Variants in SLC30A10 observed in about 807,000 individuals in gnomAD.
SLC30A10 encodes solute carrier family 30 member 10.
SLC30A10 carries 8 observed loss-of-function variants against 21.7 expected under a neutral mutation model. The ratio of observed to expected loss-of-function variants is 0.37; its 90% CI spans 0.22 to 0.67. The LOEUF is 0.67. Among genes scored for constraint, SLC30A10 ranks in the 30% least tolerant of loss-of-function variants. The pLI, the probability that SLC30A10 is intolerant of heterozygous loss-of-function variation, is 0.58. For synonymous variants in SLC30A10, 272 were observed against 279.4 expected (o/e 0.97, Z 0.26); for missense variants, 521 against 642.5 (o/e 0.81, Z 2.04).
intron 2 of SLC30A10, among the ~76,000 whole-genome samples, chr1:219,923,695 C>G (rs1659750076): frequency 6.6e-6 from 1 of 152,218 alleles, no homozygotes. Context: ...CTACAAAGCA[C>G]ATTGATGAGC....
chr1:219,927,679 A>T (rs1464730038), intron 1 of SLC30A10, 122 bp downstream of exon 1: 3 of 326,614 alleles, frequency 9.2e-6, no homozygotes, highest in Non-Finnish European at 8.2e-6. Context: ...CAACAACAAC[A>T]AAAAAAAAAA....
chr1:219,940,792 T>A (rs1398405623), intron 1 of SLC30A10, among the ~76,000 whole-genome samples: 1 of 152,128 alleles, frequency 6.6e-6, no homozygotes. Context: ...AGGACAATAA[T>A]AGTTTGAGTC....
intron 3 of SLC30A10, among the ~76,000 whole-genome samples, chr1:219,917,674 T>G (rs1659575032): frequency 6.8e-6 from 1 of 146,290 alleles, no homozygotes; most frequent in Non-Finnish European, 1.5e-5. Flanking sequence ...ATAGGTATTA[T>G]CCAAGCATTG....
upstream of SLC30A10, among the ~76,000 whole-genome samples, chr1:219,929,511 T>C (rs1047426912): frequency 9.5e-5 from 14 of 147,832 alleles, no homozygotes; most frequent in Admixed American, 3.4e-4. Flanking sequence ...GAAGGTTTAT[T>C]CCAAATAAAG....
rs7528358 is a variant in SLC30A10 at position 219,927,685 on chromosome 1, A to C, written c.640+116T>G. The C allele has an allele frequency of 3.7e-4, 328 of 890,194 alleles. 3 individuals are homozygous for C. Among genetic ancestry groups the C allele is most frequent in the African/African-American group, 1.8e-3 (88 of 48,798 alleles). The allele number at this position is 890,194 out of a possible 1,614,324, so 55.1% of individuals were successfully genotyped here. A position where few individuals can be genotyped will look rare whatever the true frequency, so the allele number is the denominator to read the frequency against. ...AAAAAAAAACAACAACAACAAAAAA[A>C]AAAAAACAGAAAAAAAGCATGCAGA... On this transcript the variant is annotated intron_variant, in intron 1 of 3. Transcript: ENST00000366926.
At chr1:219,931,842 C>T (rs1031840506), upstream of SLC30A10, among the ~76,000 whole-genome samples, 3 of 152,124 alleles carry the variant, frequency 2.0e-5, no homozygotes, top group Admixed American at 1.3e-4. Context: ...TGATCTCTTA[C>T]TCTGCCCAAC....
chr1:219,922,654 G>T (rs554910583), intron 2 of SLC30A10, among the ~76,000 whole-genome samples: 1 of 152,126 alleles, frequency 6.6e-6, no homozygotes, highest in African/African-American at 2.4e-5. Context: ...TGTGAAATGG[G>T]GTAGTAATAA....
Position 219,921,669 on chromosome 1 carries a change from T to C in SLC30A10, c.719-3175A>G, listed in dbSNP as rs181489576. Among the ~76,000 whole-genome samples the C allele has an allele frequency of 1.7e-4, 20 of 119,278 alleles. No individual in the cohort carries two copies. In the Admixed American group the frequency reaches 1.8e-3, roughly 11 times the overall value. 78.3% of individuals were successfully genotyped at this position (119,278 alleles called of 152,430 possible). A position where few individuals can be genotyped will look rare whatever the true frequency, so the allele number is the denominator to read the frequency against. ...ATATTATCTATTCTATTTCATTCAA[T>C]TATAATTAATTTTCTACTAAACTAA... On this transcript the variant is annotated intron_variant, in intron 2 of 3. Transcript: ENST00000366926.
intron 1 of SLC30A10, among the ~76,000 whole-genome samples, chr1:219,944,340 C>T (rs1660159150): frequency 6.6e-6 from 1 of 151,842 alleles, no homozygotes; most frequent in Non-Finnish European, 1.5e-5. Context: ...GCCAGCTACT[C>T]AGGAGGCTGA....
At chr1:219,941,848 C>G (rs1660127099) in intron 1 of SLC30A10, among the ~76,000 whole-genome samples, 1 of 152,186 alleles carries the variant, frequency 6.6e-6, no homozygotes, top group Admixed American at 6.5e-5. Flanking sequence ...CAATGTCACT[C>G]GCTGGGAAAG....
chr1:219,930,888 T>G (rs1336643718), upstream of SLC30A10, among the ~76,000 whole-genome samples: 1 of 152,192 alleles, frequency 6.6e-6, no homozygotes, highest in Non-Finnish European at 1.5e-5. Flanking sequence ...ACTCAATAAA[T>G]GTTCTATTAT....
At chr1:219,927,678 C>CAACA (rs1264050175) in intron 1 of SLC30A10, 123 bp downstream of exon 1, 168 of 318,874 alleles carry the variant, frequency 5.3e-4, no homozygotes, top group East Asian at 6.1e-4. Context: ...ACAACAACAA[C>CAACA]AAAAAAAAAA....
At chr1:219,947,012 C>T (rs1660194094) in intron 1 of SLC30A10, among the ~76,000 whole-genome samples, 2 of 152,074 alleles carry the variant, frequency 1.3e-5, no homozygotes, top group Admixed American at 1.3e-4. Flanking sequence ...TCCTTCATGA[C>T]CTTAAGAGAG....
upstream of SLC30A10, among the ~76,000 whole-genome samples, chr1:219,929,525 C>CTTTT (rs11382012): frequency 2.0e-5 from 3 of 147,878 alleles, no homozygotes; most frequent in African/African-American, 7.4e-5. Flanking sequence ...AATAAAGACT[C>CTTTT]TTTTTTTTTT....
chr1:219,915,657 G>C lies in SLC30A10; in HGVS notation c.1250C>G (p.Pro417Arg), dbSNP rs377640108. Residue 417 changes from proline (P) to arginine (R), a missense_variant, in exon 4 of 4, where the codon CCC (proline) becomes CGC (arginine). Pro to Arg is a moderately radical substitution (Grantham distance 103). Coordinates refer to ENST00000366926, the MANE Select transcript of SLC30A10 (RefSeq NM_018713.3). ...GACGTGAGCCAGAGGCAGTGCCCCGGGGGGACAACACAGCTGCTTAGCACA... is the reference window on the plus strand; with the variant it reads ...GACGTGAGCCAGAGGCAGTGCCCCGCGGGGACAACACAGCTGCTTAGCACA... The part of the protein sequence containing the change: ...KGCAKQLCCP[P>R]GALPLAHVNG... 6.2e-7 allele frequency: 1 copy of C among 1,614,242 alleles called. No individual in the cohort carries two copies. The highest frequency in any genetic ancestry group is 1.7e-5 in the Admixed American group (1 of 60,024).
chr1:219,955,212 C>T lies in SLC30A10; in HGVS notation n.80+3356G>A, dbSNP rs140705894. On this transcript the variant is annotated intron_variant and non_coding_transcript_variant, in intron 1 of 8. Coordinates refer to the SLC30A10 transcript ENST00000484239. The stretch of plus-strand genomic sequence containing the variant: ...TTCCCCTACTCCCTTCCCCGAAACA[C>T]ATGCACACACAAAGCCATCGACCAT... 4.2e-3 allele frequency among the ~76,000 whole-genome samples: 645 copies of T among 152,312 alleles called. 4 individuals are homozygous for T. The highest frequency in any genetic ancestry group is 0.01 in the African/African-American group (432 of 41,566).
chr1:219,951,785 G>A lies in SLC30A10; in HGVS notation n.80+6783C>T, dbSNP rs115032714. 2.3e-3 allele frequency among the ~76,000 whole-genome samples: 356 copies of A among 152,122 alleles called. 2 individuals carry two copies. The highest frequency in any genetic ancestry group is 3.8e-3 in the Non-Finnish European group (261 of 67,980). On this transcript the variant is annotated intron_variant and non_coding_transcript_variant, in intron 1 of 8. Transcript: ENST00000484239. ...GACTTGGTCTGTCACCCAGGTTGGA[G>A]TGTAATGGCATGCTATCATAGCTCT...
chr1:219,949,301 T>G (rs200926698), intron 1 of SLC30A10, among the ~76,000 whole-genome samples: 1 of 151,436 alleles, frequency 6.6e-6, no homozygotes, highest in African/African-American at 2.4e-5. Flanking sequence ...TAAAGACACA[T>G]GCACACGTAT....
At chr1:219,921,245 C>T (rs1490767266) in intron 2 of SLC30A10, among the ~76,000 whole-genome samples, 1 of 152,180 alleles carries the variant, frequency 6.6e-6, no homozygotes, top group Non-Finnish European at 1.5e-5. Context: ...GCCAACTTTT[C>T]ACTTGAATAA....
Sources: gnomAD v4.1 joint callset for allele counts (sites outside exome capture counted in the v4.1 genomes callset) on GRCh38, gnomAD v4.1.1 for gene constraint, MANE v1.5 for transcripts, NCBI Gene and HGNC (gene_info 2026-07-23, HGNC 2026-07-21) for gene names.